ANKZF1: variants seen among roughly 807,000 people sequenced by gnomAD.
ANKZF1 encodes the protein tRNA endonuclease ANKZF1.
Under a neutral mutation model 86.0 loss-of-function variants are expected in ANKZF1, and 84 were observed. The observed-to-expected ratio is 0.98, with a 90% confidence interval of 0.82 to 1.17. The LOEUF (loss-of-function observed/expected upper bound fraction) is 1.17. Among genes scored for constraint, ANKZF1 ranks in the 50% most tolerant of loss-of-function variants. The pLI is 0.00. For synonymous variants in ANKZF1, 331 were observed against 354.2 expected (o/e 0.93, Z 0.74); for missense variants, 893 against 918.4 (o/e 0.97, Z 0.36).
chr2:219,230,887 C>CACCACCATGCCCGG (rs1951014439), intron 2 of ANKZF1: 1 of 152,722 alleles, frequency 6.5e-6, no homozygotes, highest in Non-Finnish European at 1.5e-5. Context: ...TACAGGCCCG[C>CACCACCATGCCCGG]ACCACCATGC....
chr2:219,230,679 A>G (rs1163361045), intron 2 of ANKZF1: 1 of 331,064 alleles, frequency 3.0e-6, no homozygotes, highest in Non-Finnish European at 5.5e-6. Context: ...TGTATTCCAC[A>G]TTTAACCAGG....
rs757374212 is a variant in ANKZF1, at chr2:219,230,443, C to T, written c.148+38C>T. 7.0e-6 allele frequency: 11 copies of T among 1,576,254 alleles called. 1 individual carries two copies. Among genetic ancestry groups the T allele is most frequent in the Middle Eastern group, 1.7e-4 (1 of 5,932 alleles). ...GTTTCGTGTGAAACGTGACAGGGCT[C>T]CTTACAGCGTATTGCCCGTTCAGGG... On this transcript the variant is annotated intron_variant, in intron 2 of 13. Coordinates refer to ENST00000323348, the MANE Select transcript of ANKZF1 (RefSeq NM_018089.3).
chr2:219,235,329 A>G lies in ANKZF1; in HGVS notation c.1691+17A>G. The stretch of plus-strand genomic sequence containing the variant: ...CACTGTGCAGTGAGTAAAGGTCCCC[A>G]TCCTGAGTCATTTTGGGTATAGAGA... On this transcript the variant is annotated intron_variant, in intron 10 of 13. Transcript: ENST00000323348. 1 of 1,602,876 alleles carries G rather than the reference A, an allele frequency of 6.2e-7. No homozygotes were observed. Among genetic ancestry groups the G allele is most frequent in the Non-Finnish European group, 8.5e-7 (1 of 1,173,980 alleles).
In ANKZF1 at chr2:219,230,343, TGAGCCTGGTGAGCCAC is replaced by T. The variant is rs747575003; in HGVS notation, c.88_103del (p.Ser30ArgfsTer66). On this transcript the variant is annotated frameshift_variant, in exon 2 of 14. Transcript: ENST00000323348. LOFTEE classifies it high-confidence loss of function. ...GCGGATGCTCCGGTCTTTCAGGGCC[TGAGCCTGGTGAGCCAC>T]GCGCCTGGGGAGGCTCTGGCCCGGG... 2 of 1,613,990 alleles carry T rather than the reference TGAGCCTGGTGAGCCAC, an allele frequency of 1.2e-6. No individual in the cohort carries two copies. The highest frequency in any genetic ancestry group is 3.3e-5 in the Admixed American group (2 of 60,020).
chr2:219,230,172 G>A (rs1950986148), intron 1 of ANKZF1, 56 bp from the exon 2 acceptor site: 1 of 1,477,962 alleles, frequency 6.8e-7, no homozygotes. Flanking sequence ...GGCAGGAGAC[G>A]CAGCAGTAGG....
Position 219,232,484 on chromosome 2 carries a change from C to G in ANKZF1, c.365-6C>G. The stretch of plus-strand genomic sequence containing the variant: ...AACTTGTGTATCTCATATTGTCTGT[C>G]TTCAGGAGATCTTTCCAGCATCTCG... On this transcript the variant is annotated splice_region_variant and splice_polypyrimidine_tract_variant and intron_variant, in intron 4 of 13. Transcript: ENST00000323348. 1 of 1,613,992 alleles carries G rather than the reference C, an allele frequency of 6.2e-7. No homozygotes were observed. Among genetic ancestry groups the G allele is most frequent in the Non-Finnish European group, 8.5e-7 (1 of 1,179,936 alleles).
In ANKZF1 at chr2:219,236,060, C is replaced by T. The variant is rs373505271; in HGVS notation, c.2022C>T (p.Thr674=). ...TCGCTGCCCAGTTGGGAGCCCCTAC[C>T]TCTCCAATCCCTGACTCTGCAATCG... The part of the protein sequence containing the change: ...RRLAAQLGAP[T]SPIPDSAIVN... The change falls in exon 13 of 14, where the codon ACC becomes ACT. Residue 674 remains threonine (T), a synonymous_variant. Transcript: ENST00000323348. 8 of 1,614,108 alleles carry T rather than the reference C, an allele frequency of 5.0e-6. No homozygotes were observed. The African/African-American group carries it at 9.3e-5, about 19-fold the overall frequency.
In ANKZF1 at chr2:219,235,709, T is replaced by C. The variant is rs1352739509; in HGVS notation, c.1805T>C (p.Val602Ala). The C allele has an allele frequency of 6.2e-7, 1 of 1,614,024 alleles. No individual in the cohort carries two copies. The highest frequency in any genetic ancestry group is 1.7e-5 in the Admixed American group (1 of 60,014). The change falls in exon 12 of 14, where the codon GTG becomes GCG. Residue 602 changes from valine to alanine, a missense_variant and splice_region_variant. By Grantham distance (64) the Val-to-Ala change is moderately conservative (BLOSUM62 0). Transcript: ENST00000323348. ...GGTCTTATATTTGAAATCCTCCAGG[T>C]GCCAGGACCATTGACACCAGAAATG... ...PDAYDYNKAQ[V>A]PGPLTPEMEA... is the part of the protein sequence containing the mutation.
Position 219,236,611 on chromosome 2 carries a change from C to A in ANKZF1, c.*166C>A. The A allele has an allele frequency of 1.1e-6, 1 of 880,368 alleles. No individual in the cohort carries two copies. Among genetic ancestry groups the A allele is most frequent in the Non-Finnish European group, 1.7e-6 (1 of 599,514 alleles). The allele number at this position is 880,368 out of a possible 1,614,324, so 54.5% of individuals were successfully genotyped here. A position where few individuals can be genotyped will look rare whatever the true frequency, so the allele number is the denominator to read the frequency against. On this transcript the variant is annotated 3_prime_UTR_variant, in exon 14 of 14. Transcript: ENST00000323348. ...GGGCTAGAGGTATGTGGAGCTGGTA[C>A]TGTCTCTGGAATTTTAATCACAATA...
At chr2:219,234,623 A>G in intron 9 of ANKZF1, 1 of 732,892 alleles carries the variant, frequency 1.4e-6, no homozygotes, top group Admixed American at 2.9e-5. Context: ...AAGGCTACTC[A>G]TACGGAGAGT....
At chr2:219,233,519 T>C in intron 7 of ANKZF1, 86 bp downstream of exon 7, 2 of 1,472,256 alleles carry the variant, frequency 1.4e-6, no homozygotes, top group Non-Finnish European at 1.8e-6. Context: ...GGGAGGTTTT[T>C]GACTCATATC....
In ANKZF1 at chr2:219,235,493, C is replaced by T. The variant is rs530933595; in HGVS notation, c.1711C>T (p.Pro571Ser). The T allele has an allele frequency of 2.5e-6, 4 of 1,613,986 alleles. No individual in the cohort carries two copies. The East Asian group carries it at 6.7e-5, about 27-fold the overall frequency. ...PTVQDSRARP[P>S]YTVAADKSTR... ...ACCTAGGGACTCTCGGGCCCGGCCA[C>T]CTTATACTGTTGCGGCTGACAAATC... Residue 571 changes from proline to serine, a missense_variant, in exon 11 of 14, where the codon CCT (proline) becomes TCT (serine). Coordinates refer to ENST00000323348, the MANE Select transcript of ANKZF1 (RefSeq NM_018089.3).
rs372680351 is a variant in ANKZF1, at chr2:219,236,108, G to A, written c.2057+13G>A. 4.1e-5 allele frequency: 66 copies of A among 1,614,022 alleles called. No homozygotes were observed. Among genetic ancestry groups the A allele is most frequent in the Non-Finnish European group, 5.0e-5 (59 of 1,179,980 alleles). ...TCGTCAATACTCGGTATGGGGTGCG[G>A]GATGAGGGAGTGGGTGGACTGTAAT... On this transcript the variant is annotated intron_variant, in intron 13 of 13. Transcript: ENST00000323348.
Position 219,233,950 on chromosome 2 carries a change from C to A in ANKZF1, c.1048+7C>A, listed in dbSNP as rs754576668. 1 of 1,557,856 alleles carries A rather than the reference C, an allele frequency of 6.4e-7. No homozygotes were observed. The highest frequency in any genetic ancestry group is 8.7e-7 in the Non-Finnish European group (1 of 1,154,464). On this transcript the variant is annotated splice_region_variant and intron_variant, in intron 8 of 13. Transcript: ENST00000323348. The stretch of plus-strand genomic sequence containing the variant: ...ACCACTTTGCATGTCTATGGTGAGC[C>A]TTTGCTCCAGATCCCAATTCCCTAG...
chr2:219,233,157 G>A lies in ANKZF1; in HGVS notation c.637G>A (p.Ala213Thr), dbSNP rs747007795. 6.2e-7 allele frequency: 1 copy of A among 1,614,228 alleles called. No homozygotes were observed. The highest frequency in any genetic ancestry group is 1.1e-5 in the South Asian group (1 of 91,092). ...CAGAGACTGCGTGGTGCTCATGGCT[G>A]CAGCTGGGCACTTTGCTGGTGCTAT... is the stretch of plus-strand genomic sequence containing the variant. ...GPRDCVVLMA[A>T]AGHFAGAIFQ... The change falls in exon 6 of 14, where the codon GCA (alanine) becomes ACA (threonine). Residue 213 changes from alanine (A) to threonine (T), a missense_variant. Transcript: ENST00000323348.
At chr2:219,232,189 T>G (rs1951061076) in intron 3 of ANKZF1, 71 bp from the exon 4 acceptor site, 1 of 1,498,516 alleles carries the variant, frequency 6.7e-7, no homozygotes, top group Non-Finnish European at 9.3e-7. Context: ...ATACTATAAC[T>G]GGTCTTGGCC....
rs778118434 is a variant in ANKZF1, at chr2:219,236,393, C to G, written c.2129C>G (p.Ser710Cys). 4.3e-6 allele frequency: 7 copies of G among 1,613,946 alleles called. No individual in the cohort carries two copies. The South Asian group carries it at 6.6e-5, about 15-fold the overall frequency. The change falls in exon 14 of 14, where the codon TCC (serine) becomes TGC (cysteine). Residue 710 changes from serine to cysteine, a missense_variant. Coordinates refer to ENST00000323348, the MANE Select transcript of ANKZF1 (RefSeq NM_018089.3). ...CACTACCTCGACTTCTCTTTCTGCT[C>G]CACACGTTGCCTCCAGGATCATCGC... ...PFHYLDFSFC[S>C]TRCLQDHRRQ...
In ANKZF1 at chr2:219,234,390, C is replaced by T. The variant is rs550921748; in HGVS notation, c.1204+102C>T. 2.6e-4 allele frequency: 362 copies of T among 1,416,282 alleles called. 1 individual carries two copies. Among genetic ancestry groups the T allele is most frequent in the Non-Finnish European group, 3.5e-4 (350 of 1,000,714 alleles). 87.7% of individuals were successfully genotyped at this position (1,416,282 alleles called of 1,614,324 possible). A position where few individuals can be genotyped will look rare whatever the true frequency, so the allele number is the denominator to read the frequency against. ...ACTGACCCATTTCCTTATTTAAACA[C>T]ACACCCACAGTGTCTATCTTAGCAA... On this transcript the variant is annotated intron_variant, in intron 9 of 13. Transcript: ENST00000323348.
Position 219,232,665 on chromosome 2 carries a change from T to C in ANKZF1, c.540T>C (p.Cys180=). 6.2e-7 allele frequency: 1 copy of C among 1,614,108 alleles called. No homozygotes were observed. Among genetic ancestry groups the C allele is most frequent in the Non-Finnish European group, 8.5e-7 (1 of 1,180,030 alleles). ...GCCAGTTTCTTTATGCCTACCGCTG[T>C]GTCCTAGGCCCTCATCAGGCAAGTG... ...AQGQFLYAYR[C]VLGPHQDPPE... Residue 180 remains cysteine (C), a synonymous_variant, in exon 5 of 14, where the codon TGT becomes TGC. Coordinates refer to ENST00000323348, the MANE Select transcript of ANKZF1 (RefSeq NM_018089.3).
Sources: gnomAD v4.1 joint callset for allele counts on GRCh38, gnomAD v4.1.1 for gene constraint, MANE v1.5 for transcripts, NCBI Gene and HGNC (gene_info 2026-07-23, HGNC 2026-07-21) for gene names.